Variants in PC observed in about 807,000 individuals in gnomAD.
The protein encoded by PC is pyruvate carboxylase.
PC carries 46 observed loss-of-function variants against 107.8 expected under a neutral mutation model. The observed-to-expected ratio is 0.43, with a 90% CI of 0.34 to 0.55. PC has a LOEUF of 0.55. Ranked by LOEUF, PC falls within the 20% of genes least tolerant of loss-of-function variation. PC has a pLI of 0.04. For synonymous variants in PC, 662 were observed against 684.7 expected (o/e 0.97, Z 0.52); for missense variants, 1,241 against 1,643.1 (o/e 0.76, Z 4.23).
At chr11:66,954,883 C>A (rs939014358) in intron 1 of PC, among the ~76,000 whole-genome samples, 5 of 151,672 alleles carry the variant, frequency 3.3e-5, no homozygotes, top group Non-Finnish European at 7.4e-5. Context: ...GCAGAGGCTG[C>A]AGTGAGCCAA....
chr11:66,851,309 G>GC (rs1434003752), intron 16 of PC, 29 bp from the exon 17 acceptor site: 3 of 1,599,390 alleles, frequency 1.9e-6, no homozygotes, highest in East Asian at 2.2e-5. Context: ...CCAGGGCTGA[G>GC]CCCCACCCCA....
Position 66,858,978 on chromosome 11 carries a change from AC to A in PC, c.1368+4795del, listed in dbSNP as rs746869072. 1.3e-6 allele frequency: 2 copies of A among 1,566,418 alleles called. No homozygotes were observed. Among genetic ancestry groups the A allele is most frequent in the South Asian group, 1.2e-5 (1 of 85,592 alleles). ...GGAGTCTGAGCCAGCCGTGCAGGTG[AC>A]GGAGGTGACCGCCACCTCAGGGCTG... On this transcript the variant is annotated intron_variant, in intron 12 of 22. Transcript: ENST00000393960. The surrounding 1 kb of genome is among the most constrained non-coding windows in gnomAD (Gnocchi z 5.9).
chr11:66,939,227 A>C (rs905903793), intron 3 of PC, among the ~76,000 whole-genome samples: 1 of 152,254 alleles, frequency 6.6e-6, no homozygotes, highest in Non-Finnish European at 1.5e-5. Context: ...ACAATACAGT[A>C]TAAGAACTAT....
intron 12 of PC, among the ~76,000 whole-genome samples, chr11:66,862,508 G>A (rs559187761): frequency 1.3e-3 from 198 of 152,324 alleles, no homozygotes; most frequent in Non-Finnish European, 2.2e-3. Context: ...AGGACACGAG[G>A]CCAAGGCAGA....
chr11:66,906,143 C>T (rs548094909), intron 3 of PC, among the ~76,000 whole-genome samples: 3 of 152,212 alleles, frequency 2.0e-5, no homozygotes, highest in Middle Eastern at 3.4e-3. Flanking sequence ...GAAGCTGACA[C>T]GGAAGCAACG....
At chr11:66,926,156 T>C (rs1331988078) in intron 3 of PC, among the ~76,000 whole-genome samples, 1 of 152,238 alleles carries the variant, frequency 6.6e-6, no homozygotes, top group Non-Finnish European at 1.5e-5. Flanking sequence ...CTCTTATAAT[T>C]AGCAGATATT....
At chr11:66,854,258 T>G (rs1481934781) in intron 12 of PC, among the ~76,000 whole-genome samples, 3 of 152,236 alleles carry the variant, frequency 2.0e-5, no homozygotes, top group African/African-American at 7.2e-5. Flanking sequence ...TGCCTTGCGC[T>G]CCACACCTTT....
At chr11:66,880,863 G>T (rs1050029309) in intron 3 of PC, among the ~76,000 whole-genome samples, 30 of 152,336 alleles carry the variant, frequency 2.0e-4, no homozygotes, top group Admixed American at 3.9e-4. Context: ...AGTTCTCAAG[G>T]TTGTCAAGTT....
rs2136142333 is a variant in PC at position 66,945,581 on chromosome 11, A to T, written c.-1+6849T>A. On this transcript the variant is annotated intron_variant, in intron 3 of 22. Coordinates refer to ENST00000393960, the MANE Select transcript of PC (RefSeq NM_001040716.2). ...TGCTTAGCAGTTAGATTCAAAGTCC[A>T]GTTTCATCCCTGCCAGGGGTCTCTT... is the stretch of plus-strand genomic sequence containing the variant. Among the ~76,000 whole-genome samples, 2 of 116,508 alleles carry T rather than the reference A, an allele frequency of 1.7e-5. 1 individual carries two copies. Among genetic ancestry groups the T allele is most frequent in the East Asian group, 5.3e-4 (2 of 3,774 alleles). 76.4% of individuals were successfully genotyped at this position (116,508 alleles called of 152,430 possible). A position where few individuals can be genotyped will look rare whatever the true frequency, so the allele number is the denominator to read the frequency against.
intron 3 of PC, among the ~76,000 whole-genome samples, chr11:66,921,124 C>G (rs976359649): frequency 2.0e-4 from 30 of 152,186 alleles, no homozygotes; most frequent in Non-Finnish European, 8.8e-5. Context: ...GGCCACCTGA[C>G]TGCATCCATT....
intron 1 of PC, among the ~76,000 whole-genome samples, chr11:66,954,944 A>C (rs1949523626): frequency 7.0e-6 from 1 of 143,594 alleles, no homozygotes. Context: ...CTCCGTCTCC[A>C]AAAAAAAAAA....
rs1261409563 is a variant in PC, at chr11:66,857,555, C to T, written c.1369-4172G>A. 3.3e-6 allele frequency: 2 copies of T among 607,480 alleles called. No homozygotes were observed. Among genetic ancestry groups the T allele is most frequent in the Non-Finnish European group, 5.7e-6 (2 of 350,686 alleles). The allele number at this position is 607,480 out of a possible 1,614,324, so 37.6% of individuals were successfully genotyped here. ...AACTGCTTGGGAAATGTGACCTTTG[C>T]TCTGGGGGGCCTGGCCCTGCAGGCC... On this transcript the variant is annotated intron_variant, in intron 12 of 22. Coordinates refer to ENST00000393960, the MANE Select transcript of PC (RefSeq NM_001040716.2). The surrounding 1 kb of genome is among the most constrained non-coding windows in gnomAD (Gnocchi z 7.1).
intron 3 of PC, among the ~76,000 whole-genome samples, chr11:66,895,513 T>A (rs1039165215): frequency 1.2e-4 from 19 of 152,270 alleles, no homozygotes; most frequent in African/African-American, 4.6e-4. Flanking sequence ...GGCATTCACA[T>A]TCTCACAGAA....
At chr11:66,941,077 C>CT (rs1565300861) in intron 3 of PC, among the ~76,000 whole-genome samples, 1 of 62,942 alleles carries the variant, frequency 1.6e-5, no homozygotes, top group East Asian at 4.9e-4. Flanking sequence ...AAGACTCCAT[C>CT]TAAAAAAAAA....
At position 66,858,026 on chromosome 11, in the gene PC, C is replaced by T; in HGVS notation, c.1369-4643G>A. The T allele has an allele frequency of 1.2e-6, 2 of 1,611,902 alleles. No homozygotes were observed. Among genetic ancestry groups the T allele is most frequent in the Non-Finnish European group, 8.5e-7 (1 of 1,179,872 alleles). ...GCATTGGGGCCCGCGCCTTTGGGGA[C>T]CTCGAGAGCCTGCGTTCCCTCCACC... is the stretch of plus-strand genomic sequence containing the variant. On this transcript the variant is annotated intron_variant, in intron 12 of 22. Transcript: ENST00000393960. This position sits in a 1 kb window ranked among gnomAD's most constrained non-coding sequence, Gnocchi z 5.9.
intron 3 of PC, among the ~76,000 whole-genome samples, chr11:66,930,054 T>C (rs749411408): frequency 3.3e-5 from 5 of 152,014 alleles, no homozygotes; most frequent in Non-Finnish European, 7.4e-5. Flanking sequence ...CCCAGTGAAG[T>C]TGGGACTTCC....
rs1945588119 is a variant in PC at position 66,852,870 on chromosome 11, C to A, written c.1514-34G>T. 1 of 1,470,046 alleles carries A rather than the reference C, an allele frequency of 6.8e-7. No homozygotes were observed. The highest frequency in any genetic ancestry group is 1.9e-5 in the Admixed American group (1 of 53,124). The allele number at this position is 1,470,046 out of a possible 1,614,324, so 91.1% of individuals were successfully genotyped here. On this transcript the variant is annotated intron_variant, in intron 13 of 22. Coordinates refer to ENST00000393960, the MANE Select transcript of PC (RefSeq NM_001040716.2). The surrounding 1 kb of genome is among the most constrained non-coding windows in gnomAD (Gnocchi z 4.7). ...AAAGCGGGCAGTGGGTCAGGGTGGGCTGGGCAGAGGCTGAGTCGAGGGCAG... is the reference window on the plus strand; with the variant it reads ...AAAGCGGGCAGTGGGTCAGGGTGGGATGGGCAGAGGCTGAGTCGAGGGCAG...
In PC at chr11:66,866,884, C is replaced by T. The variant is rs1946522973; in HGVS notation, c.1023-535G>A. 6.6e-6 allele frequency among the ~76,000 whole-genome samples: 1 copy of T among 152,168 alleles called. No individual in the cohort carries two copies. Among genetic ancestry groups the T allele is most frequent in the African/African-American group, 2.4e-5 (1 of 41,440 alleles). ...GGGCTCCTCGAAATGGTAACCACAGCTGTGAGAGGGTTGCACAGTGGGTGC... is the reference window on the plus strand; with the variant it reads ...GGGCTCCTCGAAATGGTAACCACAGTTGTGAGAGGGTTGCACAGTGGGTGC... On this transcript the variant is annotated intron_variant, in intron 10 of 22. Transcript: ENST00000393960. The surrounding 1 kb of genome is among the most constrained non-coding windows in gnomAD (Gnocchi z 5.4).
In PC at chr11:66,857,151, GGCCCGAGC is replaced by G. The variant is rs1283652541; in HGVS notation, c.1369-3776_1369-3769del. 2 of 148,472 alleles carry G rather than the reference GGCCCGAGC, an allele frequency of 1.3e-5. No homozygotes were observed. Among genetic ancestry groups the G allele is most frequent in the East Asian group, 3.9e-4 (2 of 5,120 alleles). The allele number at this position is 148,472 out of a possible 1,614,324, so 9.2% of individuals were successfully genotyped here. On this transcript the variant is annotated intron_variant, in intron 12 of 22. Transcript: ENST00000393960. This position sits in a 1 kb window ranked among gnomAD's most constrained non-coding sequence, Gnocchi z 7.1. The stretch of plus-strand genomic sequence containing the variant: ...GGGAACCGAGCGAGCCGGGGCCGCG[GGCCCGAGC>G]GCCATGGGCCCGAGGGTGGGCGGCG...
Sources: allele counts gnomAD v4.1 joint callset (sites outside exome capture counted in the v4.1 genomes callset), GRCh38; gene constraint gnomAD v4.1.1; non-coding constraint Gnocchi (gnomAD v3.1); transcripts MANE v1.5; gene names NCBI Gene and HGNC (gene_info 2026-07-23, HGNC 2026-07-21).